TANC1: variants seen among roughly 807,000 people sequenced by gnomAD.
TANC1 encodes the protein tetratricopeptide repeat, ankyrin repeat and coiled-coil containing 1.
TANC1 carries 77 observed loss-of-function variants against 149.7 expected under a neutral mutation model. The ratio of observed to expected loss-of-function variants is 0.51; its 90% confidence interval spans 0.43 to 0.62. The LOEUF is 0.62. TANC1 is among the 20% of genes least tolerant of loss of function. The probability of loss-of-function intolerance (pLI) is 0.00; values close to 1 mark genes in which losing one functional copy is unlikely to be tolerated. For synonymous variants in TANC1, 854 were observed against 925.0 expected, an observed-to-expected ratio of 0.92 and a Z score of 1.39; for missense variants, 1,985 against 2,321.8, an observed-to-expected ratio of 0.85 and a Z score of 2.98.
At chr2:159,134,449 C>T (rs1179555255) in intron 4 of TANC1, among the ~76,000 whole-genome samples, 1 of 151,340 alleles carries the variant, frequency 6.6e-6, no homozygotes, top group Non-Finnish European at 1.5e-5. Flanking sequence ...GGACTTCAGG[C>T]GCACATCACT....
intron 14 of TANC1, 21 bp downstream of exon 14, chr2:159,179,184 C>T (rs2056191321): frequency 6.3e-7 from 1 of 1,588,212 alleles, no homozygotes; most frequent in African/African-American, 1.4e-5. Flanking sequence ...CGCTTTCTTT[C>T]AGCTCTTTGC....
chr2:159,074,735 G>A (rs149594886), intron 3 of TANC1, among the ~76,000 whole-genome samples: 8 of 152,054 alleles, frequency 5.3e-5, no homozygotes, highest in African/African-American at 1.7e-4. Flanking sequence ...TTGAGCTGCC[G>A]TAACAAAGCA....
intron 3 of TANC1, among the ~76,000 whole-genome samples, chr2:159,074,189 A>C (rs574169925): frequency 6.6e-6 from 1 of 152,172 alleles, no homozygotes; most frequent in South Asian, 2.1e-4. Context: ...TTCTTGTCCT[A>C]TGTTCTGGTG....
intron 22 of TANC1, 26 bp from the exon 23 acceptor site, chr2:159,224,206 T>C: frequency 6.2e-7 from 1 of 1,613,574 alleles, no homozygotes; most frequent in Middle Eastern, 1.7e-4. Context: ...TCCCAGCTGC[T>C]GCTTAGGCTT....
Position 159,162,983 on chromosome 2 carries a change from C to A in TANC1, c.683-300C>A, listed in dbSNP as rs2054195802. 2.0e-5 allele frequency among the ~76,000 whole-genome samples: 3 copies of A among 152,148 alleles called. No homozygotes were observed. The South Asian group carries it at 6.2e-4, about 32-fold the overall frequency. ...CTTTGTTAAAAAGAGGATACATTATCTCCAGGTTACATAATTTTACTCTTA... is the reference window on the plus strand; with the variant it reads ...CTTTGTTAAAAAGAGGATACATTATATCCAGGTTACATAATTTTACTCTTA... On this transcript the variant is annotated intron_variant, in intron 7 of 26. Coordinates refer to ENST00000263635, the MANE Select transcript of TANC1 (RefSeq NM_033394.3).
At chr2:159,190,597 G>A (rs1191576462) in intron 16 of TANC1, among the ~76,000 whole-genome samples, 1 of 152,000 alleles carries the variant, frequency 6.6e-6, no homozygotes, top group Non-Finnish European at 1.5e-5. Flanking sequence ...TGTTGCCCAG[G>A]CTGGAGTGCA....
At chr2:159,015,096 G>A (rs1342516708) in intron 2 of TANC1, among the ~76,000 whole-genome samples, 1 of 152,200 alleles carries the variant, frequency 6.6e-6, no homozygotes, top group Non-Finnish European at 1.5e-5. Context: ...TTTCCACACT[G>A]CTGTAGCAGA....
intron 2 of TANC1, among the ~76,000 whole-genome samples, chr2:159,050,362 G>C (rs371823990): frequency 6.6e-6 from 1 of 152,334 alleles, no homozygotes. Context: ...GTTGATTACA[G>C]GTGTGAGCCA....
intron 7 of TANC1, among the ~76,000 whole-genome samples, chr2:159,156,707 G>A (rs868426304): frequency 6.6e-6 from 1 of 152,244 alleles, no homozygotes; most frequent in Admixed American, 6.5e-5. Context: ...TCCAAAGTCT[G>A]GAAAAGGGTC....
intron 2 of TANC1, among the ~76,000 whole-genome samples, chr2:159,005,144 G>A (rs1438748685): frequency 6.6e-6 from 1 of 152,108 alleles, no homozygotes; most frequent in Non-Finnish European, 1.5e-5. Context: ...CCCTCATTCC[G>A]ATAAACCCAC....
At chr2:159,105,081 G>A (rs548281103) in intron 4 of TANC1, among the ~76,000 whole-genome samples, 164 of 113,708 alleles carry the variant, frequency 1.4e-3, no homozygotes, top group African/African-American at 4.8e-3. Context: ...TGCAAGCTCC[G>A]CCTCCCAGGT....
At chr2:159,190,780 G>C (rs1024161509) in intron 16 of TANC1, among the ~76,000 whole-genome samples, 1 of 152,210 alleles carries the variant, frequency 6.6e-6, no homozygotes, top group Non-Finnish European at 1.5e-5. Flanking sequence ...TCAAACTCCT[G>C]ACCTCAGGTG....
chr2:159,184,907 C>A (rs537179079), intron 14 of TANC1, among the ~76,000 whole-genome samples: 12 of 152,252 alleles, frequency 7.9e-5, no homozygotes, highest in African/African-American at 2.4e-4. Context: ...ATCTCTAACA[C>A]GGTTTATAAC....
At chr2:159,187,477 A>G (rs1022398127) in intron 16 of TANC1, among the ~76,000 whole-genome samples, 1 of 152,230 alleles carries the variant, frequency 6.6e-6, no homozygotes, top group African/African-American at 2.4e-5. Context: ...ATTTCTGCCT[A>G]TGGAAAGGGT....
chr2:159,035,580 C>G (rs1216311204), intron 2 of TANC1, among the ~76,000 whole-genome samples: 1 of 152,160 alleles, frequency 6.6e-6, no homozygotes, highest in Non-Finnish European at 1.5e-5. Context: ...TATAAGTAAC[C>G]TCTCAAACAC....
At chr2:159,002,390 C>G (rs2036695592) in intron 2 of TANC1, among the ~76,000 whole-genome samples, 2 of 152,194 alleles carry the variant, frequency 1.3e-5, no homozygotes, top group Admixed American at 1.3e-4. Flanking sequence ...CTTTCTAATG[C>G]TGACAGACCA....
intron 19 of TANC1, among the ~76,000 whole-genome samples, chr2:159,213,997 G>A (rs925344763): frequency 2.6e-5 from 4 of 151,708 alleles, no homozygotes; most frequent in Admixed American, 1.3e-4. Flanking sequence ...TTGGGGGCTC[G>A]TGCCTGTAAT....
At chr2:159,175,253 G>A in intron 12 of TANC1, 69 bp downstream of exon 12, 1 of 1,347,294 alleles carries the variant, frequency 7.4e-7, no homozygotes. Flanking sequence ...GTCCCCAGAA[G>A]GCAGGTGGTC....
intron 17 of TANC1, among the ~76,000 whole-genome samples, chr2:159,195,436 A>G (rs1057253044): frequency 5.3e-5 from 8 of 152,182 alleles, no homozygotes; most frequent in Non-Finnish European, 1.2e-4. Flanking sequence ...TGTCAGCTTT[A>G]ATAGGGTGAA....
Sources: gnomAD v4.1 joint callset for allele counts (sites outside exome capture counted in the v4.1 genomes callset) on GRCh38, gnomAD v4.1.1 for gene constraint, MANE v1.5 for transcripts, NCBI Gene and HGNC (gene_info 2026-07-23, HGNC 2026-07-21) for gene names.